The following RSRC1 variants were observed in gnomAD, a reference collection of about 807,000 sequenced individuals.
RSRC1 encodes serine/Arginine-related protein 53.
A neutral mutation model predicts 49.1 loss-of-function variants in RSRC1; 39 were observed. That is an observed-to-expected ratio of 0.79 (90% CI 0.61 to 1.04). RSRC1 has a LOEUF of 1.04. RSRC1 is among the 50% of genes least tolerant of loss of function. The probability of loss-of-function intolerance (pLI) is 0.00; values close to 1 mark genes in which losing one functional copy is unlikely to be tolerated. For synonymous variants in RSRC1, 143 were observed against 130.8 expected (o/e 1.09, Z -0.63); for missense variants, 388 against 402.4 (o/e 0.96, Z 0.31).
chr3:158,504,673 C>G (rs1739769685), intron 7 of RSRC1, among the ~76,000 whole-genome samples: 1 of 152,164 alleles, frequency 6.6e-6, no homozygotes, highest in Non-Finnish European at 1.5e-5. Flanking sequence ...CAATGCTTAT[C>G]TCACAGGGAT....
intron 4 of RSRC1, among the ~76,000 whole-genome samples, chr3:158,241,057 T>C (rs564957827): frequency 6.6e-6 from 1 of 152,338 alleles, no homozygotes; most frequent in Non-Finnish European, 1.5e-5. Context: ...TGTATATGTA[T>C]GTATGTATAG....
chr3:158,461,599 C>CT (rs1217127264), intron 7 of RSRC1, among the ~76,000 whole-genome samples: 1 of 151,596 alleles, frequency 6.6e-6, no homozygotes, highest in Admixed American at 6.6e-5. Flanking sequence ...AAAATTTTGC[C>CT]TTTTTTTCTT....
chr3:158,190,565 T>C (rs9869501), intron 3 of RSRC1, among the ~76,000 whole-genome samples: 3,726 of 151,416 alleles, frequency 0.025, 151 homozygotes, highest in African/African-American at 0.086. Context: ...TGGTTTTTTT[T>C]CCCAAAATCA....
At chr3:158,510,595 A>G (rs1425212952) in intron 7 of RSRC1, among the ~76,000 whole-genome samples, 1 of 152,204 alleles carries the variant, frequency 6.6e-6, no homozygotes, top group East Asian at 1.9e-4. Context: ...ATGCATAATA[A>G]TCACATCACA....
chr3:158,463,760 T>A (rs1289771418), intron 7 of RSRC1, among the ~76,000 whole-genome samples: 1 of 152,112 alleles, frequency 6.6e-6, no homozygotes, highest in Non-Finnish European at 1.5e-5. Flanking sequence ...GCATCCAAAA[T>A]AAAAGTCAGG....
chr3:158,281,355 A>G (rs28550646), intron 4 of RSRC1, among the ~76,000 whole-genome samples: 6,535 of 151,702 alleles, frequency 0.043, 458 homozygotes, highest in African/African-American at 0.15. Context: ...ATATCCAAAT[A>G]GAGATGTCAA....
chr3:158,358,953 A>ACACACACAC (rs1430134198), intron 6 of RSRC1, among the ~76,000 whole-genome samples: 2 of 144,226 alleles, frequency 1.4e-5, no homozygotes, highest in East Asian at 4.2e-4. Context: ...CACACACACA[A>ACACACACAC]CTTATTAATC....
chr3:158,379,814 G>GCACACACATACA (rs1553796315), intron 6 of RSRC1, among the ~76,000 whole-genome samples: 1 of 146,928 alleles, frequency 6.8e-6, no homozygotes, highest in East Asian at 2.0e-4. Context: ...ACACGCGCAT[G>GCACACACATACA]CACACACACA....
At chr3:158,483,806 A>G (rs1167550191) in intron 7 of RSRC1, among the ~76,000 whole-genome samples, 2 of 152,004 alleles carry the variant, frequency 1.3e-5, no homozygotes, top group East Asian at 1.9e-4. Context: ...TGTTTCTTTT[A>G]TATATTGGTA....
chr3:158,154,340 G>A (rs888517978), intron 3 of RSRC1, among the ~76,000 whole-genome samples: 1 of 152,178 alleles, frequency 6.6e-6, no homozygotes, highest in Non-Finnish European at 1.5e-5. Flanking sequence ...GTTGCTGAAG[G>A]TTGGGGTGGC....
At chr3:158,297,333 T>C (rs2108116323) in intron 4 of RSRC1, among the ~76,000 whole-genome samples, 1 of 152,194 alleles carries the variant, frequency 6.6e-6, no homozygotes, top group South Asian at 2.1e-4. Flanking sequence ...CAGATACTTG[T>C]ATTTTCAGTT....
intron 5 of RSRC1, among the ~76,000 whole-genome samples, chr3:158,353,379 A>G (rs1730980641): frequency 6.6e-6 from 1 of 152,242 alleles, no homozygotes; most frequent in Non-Finnish European, 1.5e-5. Context: ...TAAATATTTT[A>G]GGCTTTGCTG....
At chr3:158,463,532 C>T (rs999844295) in intron 7 of RSRC1, among the ~76,000 whole-genome samples, 1 of 152,068 alleles carries the variant, frequency 6.6e-6, no homozygotes, top group African/African-American at 2.4e-5. Flanking sequence ...TACAATTCAT[C>T]TCTTAATTTC....
chr3:158,516,885 T>C (rs992511771), intron 7 of RSRC1, among the ~76,000 whole-genome samples: 6 of 152,188 alleles, frequency 3.9e-5, no homozygotes, highest in African/African-American at 1.4e-4. Flanking sequence ...ACCCCTTTCT[T>C]TGACTAGGAA....
intron 6 of RSRC1, among the ~76,000 whole-genome samples, chr3:158,406,115 A>G (rs7630443): frequency 0.35 from 53,503 of 151,868 alleles, 10,433 homozygotes; most frequent in Middle Eastern, 0.48. Context: ...ATCTGCAAGT[A>G]TAGAATTAAT....
At chr3:158,475,510 A>G (rs952123018) in intron 7 of RSRC1, among the ~76,000 whole-genome samples, 2 of 152,156 alleles carry the variant, frequency 1.3e-5, no homozygotes, top group African/African-American at 2.4e-5. Flanking sequence ...CCAAAAGTAT[A>G]TGCTCATTTC....
intron 6 of RSRC1, among the ~76,000 whole-genome samples, chr3:158,358,216 A>G (rs537010905): frequency 6.6e-6 from 1 of 152,344 alleles, no homozygotes; most frequent in African/African-American, 2.4e-5. Context: ...TATATGTGCT[A>G]AACTATTACA....
chr3:158,259,306 A>G (rs1348937133), intron 4 of RSRC1, among the ~76,000 whole-genome samples: 1 of 152,172 alleles, frequency 6.6e-6, no homozygotes, highest in African/African-American at 2.4e-5. Flanking sequence ...CTCCAAGCCC[A>G]GTAATGCTGT....
chr3:158,257,658 A>C (rs1395060060), intron 4 of RSRC1, among the ~76,000 whole-genome samples: 3 of 152,074 alleles, frequency 2.0e-5, no homozygotes, highest in Admixed American at 1.3e-4. Flanking sequence ...TGATAAATAG[A>C]TACTTACTCT....
Sources: gnomAD v4.1 joint callset for allele counts (sites outside exome capture counted in the v4.1 genomes callset) on GRCh38, gnomAD v4.1.1 for gene constraint, MANE v1.5 for transcripts, NCBI Gene and HGNC (gene_info 2026-07-23, HGNC 2026-07-21) for gene names.